VGLL3: variants seen among roughly 807,000 people sequenced by gnomAD.
The protein encoded by VGLL3 is vestigial like family member 3.
Under a neutral mutation model 29.2 loss-of-function variants are expected in VGLL3, and 18 were observed. The observed-to-expected ratio is 0.62, with a 90% CI of 0.43 to 0.91. VGLL3 has a LOEUF of 0.91. VGLL3 is among the 40% of genes least tolerant of loss of function. VGLL3 has a pLI of 0.00. For synonymous variants in VGLL3, 180 were observed against 151.8 expected (o/e 1.19, Z -1.36); for missense variants, 440 against 413.2 (o/e 1.06, Z -0.56).
At chr3:86,990,229 A>G in intron 1 of VGLL3, 1 of 888,746 alleles carries the variant, frequency 1.1e-6, no homozygotes. Context: ...CATCTTCCTC[A>G]TCAATAAAAC....
rs1457401095 is a variant in VGLL3 at position 86,945,460 on chromosome 3, C to G, written c.*1564G>C. On this transcript the variant is annotated 3_prime_UTR_variant, in exon 4 of 4. Coordinates refer to ENST00000398399, the MANE Select transcript of VGLL3 (RefSeq NM_016206.4). ...AATTTGAAAAAACCTCTTTATAAAG[C>G]TAAAAAACTTCTCTAATACACTAAC... 6.6e-6 allele frequency: 1 copy of G among 152,054 alleles called. No homozygotes were observed. Among genetic ancestry groups the G allele is most frequent in the Non-Finnish European group, 1.5e-5 (1 of 67,972 alleles). 9.4% of individuals were successfully genotyped at this position (152,054 alleles called of 1,614,324 possible). A position where few individuals can be genotyped will look rare whatever the true frequency, so the allele number is the denominator to read the frequency against.
At position 86,941,361 on chromosome 3, in the gene VGLL3, CAT is replaced by C. The variant is rs1704393889; in HGVS notation, c.*5661_*5662del. ...AAAGTGATATCAATAGGAAAGTTCACATCTTATGCATATACCAAAAAAACTAA... is the reference window on the plus strand; with the variant it reads ...AAAGTGATATCAATAGGAAAGTTCACCTTATGCATATACCAAAAAAACTAA... On this transcript the variant is annotated 3_prime_UTR_variant, in exon 4 of 4. Transcript: ENST00000398399. The C allele has an allele frequency of 1.3e-5, 2 of 152,332 alleles. No individual in the cohort carries two copies. Among genetic ancestry groups the C allele is most frequent in the South Asian group, 4.1e-4 (2 of 4,820 alleles). The allele number at this position is 152,332 out of a possible 1,614,324, so 9.4% of individuals were successfully genotyped here.
At chr3:86,968,388 G>A (rs781591851) in intron 3 of VGLL3, among the ~76,000 whole-genome samples, 2 of 152,186 alleles carry the variant, frequency 1.3e-5, no homozygotes, top group Non-Finnish European at 2.9e-5. Flanking sequence ...AAAGCTCTGA[G>A]ACCTTTCTCA....
At chr3:86,954,055 G>A (rs750135016) in intron 3 of VGLL3, among the ~76,000 whole-genome samples, 17 of 152,072 alleles carry the variant, frequency 1.1e-4, no homozygotes, top group Admixed American at 3.9e-4. Context: ...TAATTTTCTG[G>A]CAAAGGAGGT....
chr3:86,973,339 A>G (rs1705144017), intron 2 of VGLL3, among the ~76,000 whole-genome samples: 1 of 152,206 alleles, frequency 6.6e-6, no homozygotes, highest in Non-Finnish European at 1.5e-5. Flanking sequence ...TTTTTTATTA[A>G]TATCAGTTAA....
At chr3:86,954,513 A>G (rs1704678445) in intron 3 of VGLL3, among the ~76,000 whole-genome samples, 1 of 152,204 alleles carries the variant, frequency 6.6e-6, no homozygotes, top group South Asian at 2.1e-4. Context: ...CTGGAGGGTA[A>G]ATTGGCAAGT....
chr3:86,963,645 T>G (rs187636622), intron 3 of VGLL3, among the ~76,000 whole-genome samples: 1 of 152,244 alleles, frequency 6.6e-6, no homozygotes, highest in African/African-American at 2.4e-5. Context: ...CATCTTCTCT[T>G]ACATAGCTAG....
chr3:86,974,062 T>C (rs1705158859), intron 2 of VGLL3, among the ~76,000 whole-genome samples: 1 of 152,028 alleles, frequency 6.6e-6, no homozygotes, highest in East Asian at 1.9e-4. Flanking sequence ...AGGAGAAGGG[T>C]ATCAAGAAAC....
intron 1 of VGLL3, among the ~76,000 whole-genome samples, chr3:86,981,012 A>T (rs1705314681): frequency 6.6e-6 from 1 of 152,128 alleles, no homozygotes; most frequent in Admixed American, 6.5e-5. Context: ...TGTAACATTC[A>T]TTCTTTAAAT....
rs2107019749 is a variant in VGLL3 at position 86,969,101 on chromosome 3, C to T, written c.426G>A (p.Gln142=). Residue 142 remains glutamine (Q), a synonymous_variant, in exon 3 of 4, where the codon CAG becomes CAA. Coordinates refer to ENST00000398399, the MANE Select transcript of VGLL3 (RefSeq NM_016206.4). ...AAAAGGAAGTTGGGAAACTATTCCGCTGGCTTGAGAGAGCTGAGCTGTCTG... is the reference window on the plus strand; with the variant it reads ...AAAAGGAAGTTGGGAAACTATTCCGTTGGCTTGAGAGAGCTGAGCTGTCTG... ...LWRDSSALSS[Q]RNSFPTSFWT... The T allele has an allele frequency of 6.2e-7, 1 of 1,603,794 alleles. No individual in the cohort carries two copies. Among genetic ancestry groups the T allele is most frequent in the Non-Finnish European group, 8.5e-7 (1 of 1,173,396 alleles).
At chr3:86,986,126 C>T (rs1009943001) in intron 1 of VGLL3, among the ~76,000 whole-genome samples, 2 of 152,046 alleles carry the variant, frequency 1.3e-5, no homozygotes, top group Non-Finnish European at 2.9e-5. Context: ...CATAGGAGAA[C>T]AAGACTTTCC....
intron 1 of VGLL3, among the ~76,000 whole-genome samples, chr3:86,983,287 G>A (rs550546218): frequency 6.6e-6 from 1 of 152,230 alleles, no homozygotes; most frequent in South Asian, 2.1e-4. Context: ...AAACATGATT[G>A]GAGCTATAAG....
At chr3:86,961,191 G>T (rs556651358) in intron 3 of VGLL3, among the ~76,000 whole-genome samples, 6 of 151,950 alleles carry the variant, frequency 3.9e-5, no homozygotes, top group African/African-American at 1.5e-4. Flanking sequence ...ACAATCTCAT[G>T]CCATGAGCAG....
In VGLL3 at chr3:86,968,666, G is replaced by C; in HGVS notation, c.861C>G (p.Val287=). Residue 287 remains valine, a synonymous_variant, in exon 3 of 4, where the codon GTC becomes GTG. Coordinates refer to ENST00000398399, the MANE Select transcript of VGLL3 (RefSeq NM_016206.4). The part of the protein sequence containing the change: ...CDITKTEPTT[V]TSATSAWAGA... ...CAGCCCATGCTGAGGTAGCAGAGGTGACTGTAGTTGGTTCTGTCTTTGTGA... is the reference window on the plus strand; with the variant it reads ...CAGCCCATGCTGAGGTAGCAGAGGTCACTGTAGTTGGTTCTGTCTTTGTGA... 1 of 1,614,204 alleles carries C rather than the reference G, an allele frequency of 6.2e-7. No homozygotes were observed. Among genetic ancestry groups the C allele is most frequent in the Non-Finnish European group, 8.5e-7 (1 of 1,180,046 alleles).
At chr3:86,961,678 T>C (rs1164451661) in intron 3 of VGLL3, among the ~76,000 whole-genome samples, 1 of 152,176 alleles carries the variant, frequency 6.6e-6, no homozygotes, top group Non-Finnish European at 1.5e-5. Context: ...CTCCACATCC[T>C]GTGACCCTCC....
intron 3 of VGLL3, chr3:86,963,020 G>A (rs1486146106): frequency 5.1e-5 from 12 of 234,988 alleles, no homozygotes; most frequent in African/African-American, 1.6e-4. Context: ...GGTTGAACTC[G>A]GGAGGCAGAG....
intron 1 of VGLL3, among the ~76,000 whole-genome samples, chr3:86,987,510 C>A (rs908775443): frequency 1.9e-4 from 29 of 152,242 alleles, no homozygotes; most frequent in Middle Eastern, 3.4e-3. Context: ...CTATAAACTG[C>A]ATAATTCTGA....
At position 86,945,052 on chromosome 3, in the gene VGLL3, G is replaced by A. The variant is rs527601256; in HGVS notation, c.*1972C>T. The A allele has an allele frequency of 1.5e-4, 23 of 152,252 alleles. No individual in the cohort carries two copies. Among genetic ancestry groups the A allele is most frequent in the South Asian group, 1.2e-3 (6 of 4,822 alleles). The allele number at this position is 152,252 out of a possible 1,614,324, so 9.4% of individuals were successfully genotyped here. The stretch of plus-strand genomic sequence containing the variant: ...ATATCAAATCAAATTATGGACCAAA[G>A]TATAGAAAATTTAACCTGGCTACTC... On this transcript the variant is annotated 3_prime_UTR_variant, in exon 4 of 4. Transcript: ENST00000398399.
chr3:86,975,231 T>C (rs1198385924), intron 2 of VGLL3, among the ~76,000 whole-genome samples: 2 of 152,228 alleles, frequency 1.3e-5, no homozygotes, highest in African/African-American at 4.8e-5. Context: ...TGCCAATTAA[T>C]ATTAAATTGT....
Sources: gnomAD v4.1 joint callset for allele counts (sites outside exome capture counted in the v4.1 genomes callset) on GRCh38, gnomAD v4.1.1 for gene constraint, MANE v1.5 for transcripts, NCBI Gene and HGNC (gene_info 2026-07-23, HGNC 2026-07-21) for gene names.